Variants in PMM2 observed in about 807,000 individuals in gnomAD.
PMM2 encodes mannose-6-phosphate isomerase.
In PMM2, 35 loss-of-function variants were observed where a neutral mutation model predicts 33.2. That is an observed-to-expected ratio of 1.06 (90% CI 0.81 to 1.40). PMM2 has a LOEUF of 1.40. Among genes scored for constraint, PMM2 ranks in the 40% most tolerant of loss-of-function variants. The pLI, the probability that PMM2 is intolerant of heterozygous loss-of-function variation, is 0.00. For missense variants in PMM2, 386 were observed against 306.0 expected, an observed-to-expected ratio of 1.26 and a Z score of -1.95; for synonymous variants, 153 against 114.7, an observed-to-expected ratio of 1.33 and a Z score of -2.13.
At chr16:8,811,210 G>C in intron 5 of PMM2, 32 bp downstream of exon 5, 1 of 1,354,856 alleles carries the variant, frequency 7.4e-7, no homozygotes, top group Non-Finnish European at 1.0e-6. Flanking sequence ...TTGGTGAATG[G>C]CTGGGTTTAT....
chr16:8,814,576 T>G (rs1000970804), intron 7 of PMM2, among the ~76,000 whole-genome samples: 10 of 152,186 alleles, frequency 6.6e-5, no homozygotes, highest in African/African-American at 2.4e-4. Context: ...TAGTAGAGGC[T>G]TGTTACTTAT....
chr16:8,846,902 C>T (rs766331405), intron 7 of PMM2, among the ~76,000 whole-genome samples: 19 of 152,246 alleles, frequency 1.2e-4, no homozygotes, highest in South Asian at 1.0e-3. Flanking sequence ...CTCCCTTTGT[C>T]GCCCAGGCTG....
chr16:8,827,750 A>G (rs1188096259), intron 7 of PMM2, among the ~76,000 whole-genome samples: 4 of 88,976 alleles, frequency 4.5e-5, no homozygotes, highest in Admixed American at 1.4e-4. Flanking sequence ...ATATATATAT[A>G]TATATATATA....
rs746660218 is a variant in PMM2 at position 8,811,074 on chromosome 16, C to A, written c.348-5C>A. ...GGAGAAACTCTGTCACCCTTTCATT[C>A]CCAGGGGTACTTTCATTGAATTCCG... On this transcript the variant is annotated splice_region_variant and splice_polypyrimidine_tract_variant and intron_variant, in intron 4 of 7. Transcript: ENST00000268261. 3.9e-6 allele frequency: 6 copies of A among 1,532,896 alleles called. No individual in the cohort carries two copies. Among genetic ancestry groups the A allele is most frequent in the Middle Eastern group, 1.7e-4 (1 of 5,946 alleles). 95.0% of individuals were successfully genotyped at this position (1,532,896 alleles called of 1,614,324 possible). A position where few individuals can be genotyped will look rare whatever the true frequency, so the allele number is the denominator to read the frequency against.
rs1475183351 is a variant in PMM2, at chr16:8,811,656, A to C, written c.466A>C (p.Lys156Gln). ...ELDKKENIRQ[K>Q]FVADLRKEFA... ...TTCTCAGAAAGAAAATATAAGACAA[A>C]AGTTTGTAGCAGATCTACGGAAAGA... Residue 156 changes from lysine (K) to glutamine (Q), a missense_variant, in exon 6 of 8, where the codon AAG becomes CAG. Lys to Gln is a moderately conservative substitution (Grantham distance 53). Coordinates refer to ENST00000268261, the MANE Select transcript of PMM2 (RefSeq NM_000303.3). 6.2e-7 allele frequency: 1 copy of C among 1,612,126 alleles called. No individual in the cohort carries two copies. The highest frequency in any genetic ancestry group is 1.7e-5 in the Admixed American group (1 of 60,008).
At chr16:8,836,674 T>C (rs956719534) in intron 7 of PMM2, among the ~76,000 whole-genome samples, 1 of 151,952 alleles carries the variant, frequency 6.6e-6, no homozygotes, top group African/African-American at 2.4e-5. Context: ...CAGATTCTAA[T>C]TTTTGGAGTT....
In PMM2 at chr16:8,804,808, G is replaced by GT; in HGVS notation, c.221dup (p.Ala75SerfsTer10). 1.2e-6 allele frequency: 2 copies of GT among 1,613,388 alleles called. No individual in the cohort carries two copies. The highest frequency in any genetic ancestry group is 1.3e-5 in the African/African-American group (1 of 75,040). Reference sequence around the variant, plus strand: ...TTATGTGTTTCCAGAAAATGGCTTGGTAGCATACAAAGATGGGAAACTCTT... The same window carrying GT: ...TTATGTGTTTCCAGAAAATGGCTTGGTTAGCATACAAAGATGGGAAACTCTT... On this transcript the variant is annotated frameshift_variant, in exon 3 of 8. Transcript: ENST00000268261. LOFTEE classifies it high-confidence loss of function.
intron 7 of PMM2, among the ~76,000 whole-genome samples, chr16:8,817,329 A>G (rs1294750218): frequency 6.6e-6 from 1 of 152,252 alleles, no homozygotes; most frequent in African/African-American, 2.4e-5. Flanking sequence ...GTCTTTAAAA[A>G]AATTAAGCTA....
chr16:8,832,829 C>G, intron 7 of PMM2: 1 of 985,350 alleles, frequency 1.0e-6, no homozygotes, highest in African/African-American at 1.7e-5. Context: ...CCCTCTTCAG[C>G]GTCTTCTCTG....
rs199927358 is a variant in PMM2, at chr16:8,847,747, C to G, written c.663C>G (p.Phe221Leu). The G allele has an allele frequency of 6.2e-7, 1 of 1,613,860 alleles. No individual in the cohort carries two copies. Among genetic ancestry groups the G allele is most frequent in the East Asian group, 2.2e-5 (1 of 44,876 alleles). ...TMPGGNDHEI[F>L]TDPRTMGYSV... ...AGGGTGGCAATGACCATGAGATCTT[C>G]ACAGACCCCAGAACCATGGGCTACT... Residue 221 changes from phenylalanine to leucine, a missense_variant, in exon 8 of 8, where the codon TTC becomes TTG. Transcript: ENST00000268261.
At chr16:8,834,211 G>T (rs1325059442) in intron 7 of PMM2, among the ~76,000 whole-genome samples, 3 of 152,204 alleles carry the variant, frequency 2.0e-5, no homozygotes, top group Non-Finnish European at 4.4e-5. Context: ...TAAGTTGGAG[G>T]CTGAGCTTGG....
intron 7 of PMM2, among the ~76,000 whole-genome samples, chr16:8,814,852 T>A (rs1358940567): frequency 1.3e-5 from 2 of 152,168 alleles, no homozygotes; most frequent in African/African-American, 2.4e-5. Flanking sequence ...CATGAGATAT[T>A]CCCTCTTAAC....
At chr16:8,823,849 C>A (rs778912557) in intron 7 of PMM2, among the ~76,000 whole-genome samples, 1 of 151,912 alleles carries the variant, frequency 6.6e-6, no homozygotes, top group African/African-American at 2.4e-5. Flanking sequence ...ATGAGGCCAG[C>A]TTTTCCAAGG....
intron 4 of PMM2, 23 bp from the exon 5 acceptor site, chr16:8,811,056 C>T (rs1431608429): frequency 7.2e-7 from 1 of 1,393,526 alleles, no homozygotes; most frequent in South Asian, 1.2e-5. Context: ...TTTGGAGAAA[C>T]TCTGTCACCC....
chr16:8,824,786 A>G (rs1567163726), intron 7 of PMM2, among the ~76,000 whole-genome samples: 2 of 152,156 alleles, frequency 1.3e-5, no homozygotes, highest in Admixed American at 1.3e-4. Context: ...TGATAACTCA[A>G]ACATTTTGTA....
intron 7 of PMM2, chr16:8,832,753 A>G: frequency 2.0e-6 from 2 of 985,128 alleles, no homozygotes; most frequent in Non-Finnish European, 2.4e-6. Flanking sequence ...GCTACCCGTG[A>G]AATCCCAGGT....
At chr16:8,833,698 A>G (rs1222305717) in intron 7 of PMM2, among the ~76,000 whole-genome samples, 1 of 151,314 alleles carries the variant, frequency 6.6e-6, no homozygotes, top group Non-Finnish European at 1.5e-5. Flanking sequence ...GTCGTATAGA[A>G]TGATTGGTGA....
At chr16:8,817,757 A>T (rs747656523) in intron 7 of PMM2, among the ~76,000 whole-genome samples, 4 of 152,238 alleles carry the variant, frequency 2.6e-5, no homozygotes, top group African/African-American at 4.8e-5. Flanking sequence ...GAAGAAAAAG[A>T]AAGTCACCTA....
intron 7 of PMM2, among the ~76,000 whole-genome samples, chr16:8,819,541 T>C (rs560216953): frequency 1.7e-4 from 26 of 151,986 alleles, no homozygotes; most frequent in Middle Eastern, 3.4e-3. Context: ...AATTTTTAAA[T>C]CAACTTGAGA....
Sources: allele counts gnomAD v4.1 joint callset (sites outside exome capture counted in the v4.1 genomes callset), GRCh38; gene constraint gnomAD v4.1.1; transcripts MANE v1.5; gene names NCBI Gene and HGNC (gene_info 2026-07-23, HGNC 2026-07-21).